BAZ1A: variants seen among roughly 807,000 people sequenced by gnomAD.
BAZ1A encodes bromodomain adjacent to zinc finger domain 1A.
In BAZ1A, 50 loss-of-function variants were observed where a neutral mutation model predicts 185.2. The observed-to-expected ratio is 0.27, with a 90% CI of 0.22 to 0.34. The LOEUF (loss-of-function observed/expected upper bound fraction) is 0.34. BAZ1A is among the 10% of genes least tolerant of loss of function. The pLI is 1.00. For missense variants in BAZ1A, 1,356 were observed against 1,839.9 expected, an observed-to-expected ratio of 0.74 and a Z score of 4.81; for synonymous variants, 571 against 615.6, an observed-to-expected ratio of 0.93 and a Z score of 1.07.
chr14:34,780,874 G>C (rs1879990693), intron 16 of BAZ1A, among the ~76,000 whole-genome samples: 2 of 152,120 alleles, frequency 1.3e-5, no homozygotes, highest in South Asian at 4.1e-4. Flanking sequence ...AATTACCTGG[G>C]AAAGAAAGTA....
At chr14:34,842,254 TTCAAG>T in intron 3 of BAZ1A, among the ~76,000 whole-genome samples, 1 of 152,306 alleles carries the variant, frequency 6.6e-6, no homozygotes, top group South Asian at 2.1e-4. Context: ...TCCCTGGAAA[TTCAAG>T]TCAAAAGACA....
chr14:34,832,215 C>CACACACACACACACATATATATATATAT lies in BAZ1A; in HGVS notation c.393-6060_393-6059insATATATATATATATGTGTGTGTGTGTGT. ...ATACACACACACACACACACACACACATATATATATATATATGTATGTATG... is the reference window on the plus strand; with the variant it reads ...ATACACACACACACACACACACACACACACACACACACACATATATATATATATATATATATATATATATGTATGTATG... On this transcript the variant is annotated intron_variant, in intron 3 of 26. Transcript: ENST00000360310. Among the ~76,000 whole-genome samples the CACACACACACACACATATATATATATAT allele has an allele frequency of 7.4e-3, 664 of 89,486 alleles. 10 individuals carry two copies. The highest frequency in any genetic ancestry group is 0.012 in the Non-Finnish European group (507 of 42,556). 58.7% of individuals were successfully genotyped at this position (89,486 alleles called of 152,430 possible). A position where few individuals can be genotyped will look rare whatever the true frequency, so the allele number is the denominator to read the frequency against.
intron 3 of BAZ1A, among the ~76,000 whole-genome samples, chr14:34,829,140 C>T (rs189266850): frequency 3.9e-5 from 6 of 152,158 alleles, no homozygotes; most frequent in South Asian, 2.1e-4. Flanking sequence ...GTGGCATGCA[C>T]CTCTAATCCC....
chr14:34,800,031 A>C (rs995244636), intron 9 of BAZ1A, among the ~76,000 whole-genome samples, 193 bp downstream of exon 9: 1 of 152,248 alleles, frequency 6.6e-6, no homozygotes, highest in Non-Finnish European at 1.5e-5. Context: ...GCATTCTAAA[A>C]GAGGTTTTAA....
chr14:34,820,323 G>C (rs2042070694), intron 4 of BAZ1A, among the ~76,000 whole-genome samples: 2 of 151,750 alleles, frequency 1.3e-5, no homozygotes, highest in African/African-American at 4.8e-5. Context: ...TAGAGATGGG[G>C]GTTTCACTAT....
intron 3 of BAZ1A, among the ~76,000 whole-genome samples, chr14:34,859,681 A>G (rs1351992297): frequency 6.6e-6 from 1 of 152,096 alleles, no homozygotes; most frequent in Non-Finnish European, 1.5e-5. Flanking sequence ...AATCTTTTTC[A>G]TATGCCACCT....
rs761713887 is a variant in BAZ1A at position 34,753,579 on chromosome 14, C to T, written c.4600G>A (p.Gly1534Arg). 1 of 1,614,082 alleles carries T rather than the reference C, an allele frequency of 6.2e-7. No individual in the cohort carries two copies. Among genetic ancestry groups the T allele is most frequent in the Non-Finnish European group, 8.5e-7 (1 of 1,180,006 alleles). Residue 1534 changes from glycine (G) to arginine (R), a missense_variant, in exon 27 of 27, where the codon GGA becomes AGA. This residue lies in a region of BAZ1A where 61 missense variants were observed against 117.9 expected (regional missense o/e 0.52). Transcript: ENST00000360310. Reference sequence around the variant, plus strand: ...ACATTACTGGGTGTGACGTGGAGTCCAAGCTTTTGAGCCTGAATATGAAAA... The same window carrying T: ...ACATTACTGGGTGTGACGTGGAGTCTAAGCTTTTGAGCCTGAATATGAAAA... ...AFFHIQAQKL[G>R]LHVTPSNVDQ...
chr14:34,754,486 A>G lies in BAZ1A; in HGVS notation c.4474+341T>C, dbSNP rs551807996. On this transcript the variant is annotated intron_variant, in intron 26 of 26. Transcript: ENST00000360310. ...ATTCTGAAACAAGGTAGCAGAACTG[A>G]GGCTTAAAACTGTTTAACTGTAAAT... 7.2e-5 allele frequency among the ~76,000 whole-genome samples: 11 copies of G among 152,224 alleles called. No individual in the cohort carries two copies. The East Asian group carries it at 2.1e-3, about 29-fold the overall frequency.
intron 2 of BAZ1A, among the ~76,000 whole-genome samples, chr14:34,863,849 ATTT>A (rs3062595): frequency 6.6e-6 from 1 of 151,354 alleles, no homozygotes; most frequent in African/African-American, 2.4e-5. Flanking sequence ...TATTGTTTGA[ATTT>A]TTTTTCTTTT....
chr14:34,852,558 G>A (rs549953384), intron 3 of BAZ1A, among the ~76,000 whole-genome samples: 1 of 152,228 alleles, frequency 6.6e-6, no homozygotes, highest in East Asian at 1.9e-4. Context: ...GTCGGAAGTC[G>A]CAGGGAGCCA....
intron 8 of BAZ1A, 138 bp downstream of exon 8, chr14:34,800,956 G>C: frequency 1.7e-6 from 1 of 604,288 alleles, no homozygotes. Flanking sequence ...ATAAACAATA[G>C]TTATCTGATA....
At position 34,795,107 on chromosome 14, in the gene BAZ1A, G is replaced by A. The variant is rs1307590902; in HGVS notation, c.1225-220C>T. Among the ~76,000 whole-genome samples, 8 of 152,078 alleles carry A rather than the reference G, an allele frequency of 5.3e-5. No homozygotes were observed. The East Asian group carries it at 9.6e-4, about 18-fold the overall frequency. ...AAATCACAGTTCCTGACAAGGGACC[G>A]GGAGAAAGGAACATTTTCTTCCTTA... On this transcript the variant is annotated intron_variant, in intron 10 of 26. Transcript: ENST00000360310.
rs1253434743 is a variant in BAZ1A at position 34,753,146 on chromosome 14, A to AGAT, written c.*359_*361dup. 5.0e-6 allele frequency: 1 copy of AGAT among 201,536 alleles called. No individual in the cohort carries two copies. Among genetic ancestry groups the AGAT allele is most frequent in the African/African-American group, 2.3e-5 (1 of 42,786 alleles). 12.5% of individuals were successfully genotyped at this position (201,536 alleles called of 1,614,324 possible). A position where few individuals can be genotyped will look rare whatever the true frequency, so the allele number is the denominator to read the frequency against. ...GCTATAGCGGAAGACTCATCCATGT[A>AGAT]GATAACTCTCCCTTAATACCACCAC... On this transcript the variant is annotated 3_prime_UTR_variant, in exon 27 of 27. Coordinates refer to ENST00000360310, the MANE Select transcript of BAZ1A (RefSeq NM_013448.3).
intron 4 of BAZ1A, 43 bp from the exon 5 acceptor site, chr14:34,811,079 G>T (rs779074329): frequency 1.5e-6 from 2 of 1,334,798 alleles, no homozygotes; most frequent in South Asian, 1.3e-5. Flanking sequence ...TAATAATTTG[G>T]AAAATGAAAT....
chr14:34,800,442 G>A, intron 8 of BAZ1A, 52 bp from the exon 9 acceptor site: 2 of 1,362,518 alleles, frequency 1.5e-6, no homozygotes, highest in Non-Finnish European at 2.0e-6. Context: ...AATAACACTT[G>A]GCAATTTTTT....
At chr14:34,870,383 TCCAACTTC>T (rs2042931996) in intron 2 of BAZ1A, among the ~76,000 whole-genome samples, 1 of 152,194 alleles carries the variant, frequency 6.6e-6, no homozygotes, top group Non-Finnish European at 1.5e-5. Context: ...AAGAAAATTA[TCCAACTTC>T]CTTTGAAAAC....
At chr14:34,783,378 T>TG (rs1880177892) in intron 15 of BAZ1A, 146 bp from the exon 16 acceptor site, 1 of 578,272 alleles carries the variant, frequency 1.7e-6, no homozygotes, top group South Asian at 2.4e-5. Context: ...CTTTTTTTTT[T>TG]TTTTTTTGAG....
chr14:34,786,103 A>G, intron 13 of BAZ1A, 23 bp downstream of exon 13: 2 of 1,577,804 alleles, frequency 1.3e-6, no homozygotes, highest in Non-Finnish European at 1.7e-6. Context: ...GCCAAACAAA[A>G]AAAAAACAAA....
At chr14:34,787,099 A>T (rs1453519509) in intron 12 of BAZ1A, among the ~76,000 whole-genome samples, 2 of 152,108 alleles carry the variant, frequency 1.3e-5, no homozygotes, top group African/African-American at 4.8e-5. Context: ...TCATGCCTGT[A>T]ATCTCAGCAC....
Sources: allele counts gnomAD v4.1 joint callset (sites outside exome capture counted in the v4.1 genomes callset), GRCh38; gene constraint gnomAD v4.1.1; regional missense constraint gnomAD v4.1.1; transcripts MANE v1.5; gene names NCBI Gene and HGNC (gene_info 2026-07-23, HGNC 2026-07-21).